The following MRPL3 variants were observed in gnomAD, a reference collection of about 807,000 sequenced individuals.
The protein encoded by MRPL3 is large ribosomal subunit protein uL3m.
Under a neutral mutation model 44.3 loss-of-function variants are expected in MRPL3, and 43 were observed. The observed-to-expected ratio is 0.97, with a 90% CI of 0.76 to 1.25. The LOEUF (loss-of-function observed/expected upper bound fraction) is 1.25. MRPL3 is among the 50% of genes most tolerant of loss of function. The pLI, the probability that MRPL3 is intolerant of heterozygous loss-of-function variation, is 0.00. For synonymous variants in MRPL3, 171 were observed against 152.3 expected, an observed-to-expected ratio of 1.12 and a Z score of -0.91; for missense variants, 406 against 427.6, an observed-to-expected ratio of 0.95 and a Z score of 0.45.
chr3:131,470,604 T>C (rs1333257726), intron 7 of MRPL3, among the ~76,000 whole-genome samples: 1 of 150,862 alleles, frequency 6.6e-6, no homozygotes, highest in African/African-American at 2.5e-5. Context: ...AATGTTCCAG[T>C]AGACAGAACT....
chr3:131,483,217 G>A (rs1353671983), intron 6 of MRPL3, among the ~76,000 whole-genome samples: 1 of 151,986 alleles, frequency 6.6e-6, no homozygotes, highest in African/African-American at 2.4e-5. Flanking sequence ...TGCTACTATA[G>A]AGCAAGAACA....
intron 6 of MRPL3, chr3:131,487,458 AC>A (rs1206354791): frequency 6.7e-6 from 3 of 445,402 alleles, no homozygotes; most frequent in African/African-American, 4.2e-5. Flanking sequence ...TAAAAAAAAA[AC>A]AAATAAAAAT....
Position 131,490,014 on chromosome 3 carries a change from AG to A in MRPL3, c.534del (p.Phe179LeufsTer3). On this transcript the variant is annotated frameshift_variant, in exon 5 of 10. Transcript: ENST00000264995. LOFTEE classifies it high-confidence loss of function. ...ATTGCAGCATTATCTGTTATATTAA[AG>A]ATTTTAACTGTCTGTTTCGGCGGCA... is the stretch of plus-strand genomic sequence containing the variant. ...LGLPPKQTVKIFNITDNAAIK... is the reference protein window; with the variant it reads ...LGLPPKQTVKXFNITDNAAIK... 1 of 1,611,480 alleles carries A rather than the reference AG, an allele frequency of 6.2e-7. No homozygotes were observed.
At chr3:131,476,625 G>A (rs1261535456) in intron 6 of MRPL3, among the ~76,000 whole-genome samples, 14 of 152,086 alleles carry the variant, frequency 9.2e-5, no homozygotes, top group Admixed American at 9.2e-4. Context: ...ATTTTAGTTA[G>A]ATATATTTGA....
At chr3:131,502,688 A>C (rs1409472529) in intron 1 of MRPL3, 42 bp downstream of exon 1, 1 of 1,536,834 alleles carries the variant, frequency 6.5e-7, no homozygotes, top group African/African-American at 1.4e-5. Flanking sequence ...CCACTGCTTC[A>C]GGACGCAACT....
At chr3:131,473,704 C>T (rs1933790078) in intron 6 of MRPL3, among the ~76,000 whole-genome samples, 1 of 151,674 alleles carries the variant, frequency 6.6e-6, no homozygotes, top group African/African-American at 2.4e-5. Flanking sequence ...CAAAGGAACT[C>T]AAACAACTAA....
chr3:131,487,448 T>TA lies in MRPL3; in HGVS notation c.629+231dup, dbSNP rs78929649. On this transcript the variant is annotated intron_variant, in intron 6 of 9. Transcript: ENST00000264995. ...ATGTACCCTAGAACTTAAAGTATAA[T>TA]AAAAAAAAAACAAATAAAAATAAAA... 0.03 allele frequency: 10,941 copies of TA among 368,408 alleles called. 10 individuals carry two copies. Among genetic ancestry groups the TA allele is most frequent in the East Asian group, 0.043 (802 of 18,580 alleles). The allele number at this position is 368,408 out of a possible 1,614,324, so 22.8% of individuals were successfully genotyped here.
In MRPL3 at chr3:131,495,778, G is replaced by A. The variant is rs1934353880; in HGVS notation, c.468+2401C>T. On this transcript the variant is annotated intron_variant, in intron 4 of 9. Coordinates refer to ENST00000264995, the MANE Select transcript of MRPL3 (RefSeq NM_007208.4). The stretch of plus-strand genomic sequence containing the variant: ...CACTAAGTAAAATAGAATAAATTGA[G>A]CTCCCATGTACTTTTTTTCTCCAAA... 2.0e-5 allele frequency among the ~76,000 whole-genome samples: 3 copies of A among 152,070 alleles called. No individual in the cohort carries two copies. In the South Asian group the frequency reaches 6.2e-4, roughly 32 times the overall value.
rs775724466 is a variant in MRPL3, at chr3:131,501,617, A to G, written c.191T>C (p.Leu64Ser). The G allele has an allele frequency of 6.2e-7, 1 of 1,612,806 alleles. No homozygotes were observed. Among genetic ancestry groups the G allele is most frequent in the Non-Finnish European group, 8.5e-7 (1 of 1,179,940 alleles). ...TTGGGCTTTATCTTCATCAGAGACC[A>G]ACTGCTTAATGAATGGGACATTTTC... ...SEENVPFIKQ[L>S]VSDEDKAQLA... is the part of the protein sequence containing the mutation. The change falls in exon 2 of 10, where the codon TTG (leucine) becomes TCG (serine). Residue 64 changes from leucine to serine, a missense_variant. Transcript: ENST00000264995.
At chr3:131,468,287 A>C (rs1366427886) in intron 8 of MRPL3, 119 bp from the exon 9 acceptor site, 4 of 535,838 alleles carry the variant, frequency 7.5e-6, no homozygotes, top group Non-Finnish European at 1.3e-5. Flanking sequence ...GTACTTCAGA[A>C]TGTTGAATAA....
At chr3:131,501,804 T>C (rs994182278) in intron 1 of MRPL3, 89 bp from the exon 2 acceptor site, 6 of 1,596,082 alleles carry the variant, frequency 3.8e-6, no homozygotes, top group Non-Finnish European at 5.1e-6. Context: ...AATTGGAAAG[T>C]GTAGTCAGGG....
chr3:131,475,440 G>A (rs1582705440), intron 6 of MRPL3, among the ~76,000 whole-genome samples: 1 of 152,148 alleles, frequency 6.6e-6, no homozygotes, highest in African/African-American at 2.4e-5. Flanking sequence ...TGGGAGGGCT[G>A]CTTGAGGTCA....
chr3:131,501,451 C>A, intron 2 of MRPL3, 80 bp downstream of exon 2: 1 of 1,107,982 alleles, frequency 9.0e-7, no homozygotes, highest in South Asian at 1.6e-5. Context: ...GATAAATTAT[C>A]AAGTAGTCAC....
At chr3:131,499,265 T>A (rs76694559) in intron 3 of MRPL3, among the ~76,000 whole-genome samples, 3,830 of 152,296 alleles carry the variant, frequency 0.025, 145 homozygotes, top group African/African-American at 0.087. Flanking sequence ...TATGTGAATA[T>A]AACATGATTT....
At chr3:131,479,133 T>C (rs748867731) in intron 6 of MRPL3, 1 of 518,660 alleles carries the variant, frequency 1.9e-6, no homozygotes, top group South Asian at 1.4e-5. Flanking sequence ...CAGCCACTGA[T>C]GAAGCTGGTT....
intron 9 of MRPL3, among the ~76,000 whole-genome samples, chr3:131,465,335 T>C (rs1236156761): frequency 6.6e-6 from 1 of 152,230 alleles, no homozygotes; most frequent in Non-Finnish European, 1.5e-5. Flanking sequence ...AGGCGATAAA[T>C]CTGAGTAATA....
chr3:131,483,391 C>T (rs1258746954), intron 6 of MRPL3, among the ~76,000 whole-genome samples: 1 of 152,070 alleles, frequency 6.6e-6, no homozygotes, highest in Non-Finnish European at 1.5e-5. Flanking sequence ...AAATGTTCTG[C>T]TAGGCAGTTT....
intron 4 of MRPL3, among the ~76,000 whole-genome samples, chr3:131,494,894 G>A (rs924220153): frequency 2.0e-5 from 3 of 151,978 alleles, no homozygotes; most frequent in Admixed American, 2.0e-4. Flanking sequence ...CCATCTATGA[G>A]GTTGCATTCT....
chr3:131,498,101 C>G (rs1342294805), intron 4 of MRPL3, 78 bp downstream of exon 4: 4 of 1,044,308 alleles, frequency 3.8e-6, no homozygotes, highest in Non-Finnish European at 5.9e-6. Context: ...GGCTGTGGAA[C>G]AATCTCAAAA....
Sources: allele counts gnomAD v4.1 joint callset (sites outside exome capture counted in the v4.1 genomes callset), GRCh38; gene constraint gnomAD v4.1.1; transcripts MANE v1.5; gene names NCBI Gene and HGNC (gene_info 2026-07-23, HGNC 2026-07-21).